Variants in TAOK1 observed in about 807,000 individuals in gnomAD.
TAOK1 encodes the protein TAO kinase 1.
TAOK1 carries 21 observed loss-of-function variants against 138.3 expected under a neutral mutation model. That is an observed-to-expected ratio of 0.15 (90% CI 0.11 to 0.22). The LOEUF (loss-of-function observed/expected upper bound fraction) is 0.22. Ranked by LOEUF, TAOK1 falls within the 10% of genes least tolerant of loss-of-function variation. The probability of loss-of-function intolerance (pLI) is 1.00; values close to 1 mark genes in which losing one functional copy is unlikely to be tolerated. For missense variants in TAOK1, 651 were observed against 1,227.7 expected, an observed-to-expected ratio of 0.53 and a Z score of 7.02; for synonymous variants, 361 against 398.4, an observed-to-expected ratio of 0.91 and a Z score of 1.12.
At chr17:29,506,723 A>G (rs1398904044) in intron 13 of TAOK1, among the ~76,000 whole-genome samples, 1 of 152,232 alleles carries the variant, frequency 6.6e-6, no homozygotes, top group Non-Finnish European at 1.5e-5. Flanking sequence ...CCATAAATGT[A>G]TACAATTATG....
At chr17:29,469,792 T>A (rs531337048) in intron 3 of TAOK1, among the ~76,000 whole-genome samples, 1 of 152,212 alleles carries the variant, frequency 6.6e-6, no homozygotes, top group Non-Finnish European at 1.5e-5. Flanking sequence ...GCGTCCTTCA[T>A]GAAAATTTTT....
chr17:29,467,017 C>T, intron 2 of TAOK1, 128 bp from the exon 3 acceptor site: 1 of 509,474 alleles, frequency 2.0e-6, no homozygotes, highest in Non-Finnish European at 3.3e-6. Context: ...TTAAAATTTT[C>T]TTTAAAAGTG....
At chr17:29,430,763 G>A (rs1349148899) in intron 1 of TAOK1, among the ~76,000 whole-genome samples, 1 of 152,136 alleles carries the variant, frequency 6.6e-6, no homozygotes, top group Non-Finnish European at 1.5e-5. Context: ...GGAGGCAGAA[G>A]GACTGAAGGT....
chr17:29,497,714 C>CA (rs373537264), intron 11 of TAOK1, among the ~76,000 whole-genome samples: 45,036 of 100,548 alleles, frequency 0.45, 7,338 homozygotes, highest in Middle Eastern at 0.55. Flanking sequence ...TATTGAAATA[C>CA]AAAAAAAAAA....
At chr17:29,502,163 T>C (rs964090339) in intron 12 of TAOK1, among the ~76,000 whole-genome samples, 6 of 151,854 alleles carry the variant, frequency 4.0e-5, no homozygotes, top group African/African-American at 7.3e-5. Flanking sequence ...GTTGGACATA[T>C]TGGCTTCCAC....
At chr17:29,460,936 A>G (rs1300687055) in intron 2 of TAOK1, among the ~76,000 whole-genome samples, 2 of 152,222 alleles carry the variant, frequency 1.3e-5, no homozygotes, top group African/African-American at 2.4e-5. Context: ...TCTCACTCCT[A>G]GAGTAGAATT....
At chr17:29,410,116 A>G (rs1905101241) in intron 1 of TAOK1, among the ~76,000 whole-genome samples, 1 of 152,090 alleles carries the variant, frequency 6.6e-6, no homozygotes, top group Non-Finnish European at 1.5e-5. Context: ...ATCGTCATGG[A>G]TGTTCTCATT....
intron 9 of TAOK1, 39 bp from the exon 10 acceptor site, chr17:29,491,745 A>G (rs745487522): frequency 2.8e-6 from 4 of 1,427,662 alleles, no homozygotes; most frequent in Non-Finnish European, 4.0e-6. Flanking sequence ...TTTTAAAGGA[A>G]ATAGCAATGT....
chr17:29,391,639 C>T (rs1904434551), intron 1 of TAOK1, among the ~76,000 whole-genome samples: 1 of 152,172 alleles, frequency 6.6e-6, no homozygotes, highest in African/African-American at 2.4e-5. Flanking sequence ...GAAAAGGTTA[C>T]TCTTTTTCCT....
chr17:29,538,342 A>G (rs1194946342), intron 19 of TAOK1, among the ~76,000 whole-genome samples: 1 of 152,158 alleles, frequency 6.6e-6, no homozygotes, highest in Non-Finnish European at 1.5e-5. Flanking sequence ...TATTCATTTC[A>G]TAATGGAAAA....
chr17:29,404,543 G>A (rs1024176422), intron 1 of TAOK1, among the ~76,000 whole-genome samples: 12 of 152,142 alleles, frequency 7.9e-5, no homozygotes, highest in South Asian at 2.1e-4. Flanking sequence ...TGTAATCCCA[G>A]CACTTTGGGA....
chr17:29,404,491 C>T (rs1333354500), intron 1 of TAOK1, among the ~76,000 whole-genome samples: 3 of 152,066 alleles, frequency 2.0e-5, no homozygotes, highest in African/African-American at 7.2e-5. Context: ...AGTAAAATAA[C>T]TATGATATAA....
chr17:29,473,842 T>C (rs1033213259), intron 3 of TAOK1, among the ~76,000 whole-genome samples: 1 of 151,956 alleles, frequency 6.6e-6, no homozygotes, highest in Non-Finnish European at 1.5e-5. Context: ...TTCTCCTTCC[T>C]CTGCGTTTCC....
intron 1 of TAOK1, among the ~76,000 whole-genome samples, chr17:29,440,376 A>T (rs1009926699): frequency 3.2e-4 from 48 of 152,250 alleles, no homozygotes; most frequent in African/African-American, 1.1e-3. Context: ...TTTGTGTCAT[A>T]TTGTAACTCT....
chr17:29,414,805 C>T (rs1378819848), intron 1 of TAOK1, among the ~76,000 whole-genome samples: 1 of 151,912 alleles, frequency 6.6e-6, no homozygotes, highest in African/African-American at 2.4e-5. Flanking sequence ...GTGATCCGCC[C>T]GCCTTGGCCT....
At chr17:29,520,836 C>T (rs1337864049) in intron 16 of TAOK1, among the ~76,000 whole-genome samples, 4 of 151,600 alleles carry the variant, frequency 2.6e-5, no homozygotes, top group South Asian at 2.1e-4. Flanking sequence ...CCATCCTGGC[C>T]AACATGGTGA....
At chr17:29,505,018 T>C (rs2031606089) in intron 13 of TAOK1, among the ~76,000 whole-genome samples, 1 of 152,212 alleles carries the variant, frequency 6.6e-6, no homozygotes, top group South Asian at 2.1e-4. Context: ...CTCCCAAAGT[T>C]TGGCTTCCTC....
intron 1 of TAOK1, among the ~76,000 whole-genome samples, chr17:29,431,291 T>G (rs1905820174): frequency 6.6e-6 from 1 of 152,026 alleles, no homozygotes; most frequent in Non-Finnish European, 1.5e-5. Context: ...AAAGAAAACA[T>G]ATTAGTTGAG....
At chr17:29,483,549 A>G (rs1325033028) in intron 8 of TAOK1, among the ~76,000 whole-genome samples, 1 of 152,208 alleles carries the variant, frequency 6.6e-6, no homozygotes, top group Non-Finnish European at 1.5e-5. Flanking sequence ...TACACAGTAG[A>G]TTAAAGTTAC....
Sources: allele counts gnomAD v4.1 joint callset (sites outside exome capture counted in the v4.1 genomes callset), GRCh38; gene constraint gnomAD v4.1.1; transcripts MANE v1.5; gene names NCBI Gene and HGNC (gene_info 2026-07-23, HGNC 2026-07-21).